CEP83: variants seen among roughly 807,000 people sequenced by gnomAD.
The protein encoded by CEP83 is centrosomal protein 83, also known as centrosomal protein of 83 kDa.
In CEP83, 70 loss-of-function variants were observed where a neutral mutation model predicts 101.9. The ratio of observed to expected loss-of-function variants is 0.69; its 90% CI spans 0.57 to 0.84. The LOEUF (loss-of-function observed/expected upper bound fraction) is 0.84, where lower values mean the gene tolerates loss of function less well. Among genes scored for constraint, CEP83 ranks in the 40% least tolerant of loss-of-function variants. The pLI, the probability that CEP83 is intolerant of heterozygous loss-of-function variation, is 0.00. For synonymous variants in CEP83, 264 were observed against 267.9 expected (o/e 0.99, Z 0.14); for missense variants, 715 against 787.2 (o/e 0.91, Z 1.10).
At chr12:94,427,884 T>C (rs1488048958) in intron 2 of CEP83, among the ~76,000 whole-genome samples, 1 of 152,088 alleles carries the variant, frequency 6.6e-6, no homozygotes, top group Non-Finnish European at 1.5e-5. Flanking sequence ...ATCCAGGATG[T>C]CTTGCGTACA....
intron 14 of CEP83, among the ~76,000 whole-genome samples, chr12:94,321,231 C>CT (rs2058731888): frequency 6.6e-6 from 1 of 152,130 alleles, no homozygotes; most frequent in South Asian, 2.1e-4. Context: ...CAGTTAGGTT[C>CT]TTTTTTATAC....
chr12:94,374,384 T>C (rs2061433011), intron 8 of CEP83, among the ~76,000 whole-genome samples: 1 of 152,108 alleles, frequency 6.6e-6, no homozygotes, highest in Admixed American at 6.5e-5. Context: ...TCAAGAACAA[T>C]GTGCTGCAAA....
At chr12:94,339,457 T>C (rs1037719420) in intron 11 of CEP83, among the ~76,000 whole-genome samples, 4 of 152,216 alleles carry the variant, frequency 2.6e-5, no homozygotes, top group African/African-American at 9.6e-5. Flanking sequence ...ACACTTGAAA[T>C]GTACTTCATG....
At chr12:94,368,258 C>A in intron 9 of CEP83, 57 bp from the exon 10 acceptor site, 1 of 1,338,348 alleles carries the variant, frequency 7.5e-7, no homozygotes, top group African/African-American at 1.5e-5. Context: ...GATGAAAAAT[C>A]ACATTTAACA....
the CEP83 span, among the ~76,000 whole-genome samples, chr12:94,289,848 G>A: frequency 3.3e-5 from 5 of 152,020 alleles, no homozygotes; most frequent in African/African-American, 9.7e-5. Flanking sequence ...ACACATACGC[G>A]CTCACACACA....
chr12:94,415,786 CAAG>C (rs1236353080), intron 2 of CEP83, among the ~76,000 whole-genome samples: 1 of 151,862 alleles, frequency 6.6e-6, no homozygotes, highest in Non-Finnish European at 1.5e-5. Flanking sequence ...ACTAATGGGA[CAAG>C]AAGATTTAAA....
chr12:94,382,597 A>G (rs2061910507), intron 6 of CEP83, among the ~76,000 whole-genome samples: 4 of 151,680 alleles, frequency 2.6e-5, no homozygotes, highest in Non-Finnish European at 5.9e-5. Flanking sequence ...TGAAATTTCC[A>G]CCTTGACCCA....
At chr12:94,363,339 T>C (rs2060867264) in intron 11 of CEP83, among the ~76,000 whole-genome samples, 1 of 152,128 alleles carries the variant, frequency 6.6e-6, no homozygotes, top group African/African-American at 2.4e-5. Flanking sequence ...AAACATGAAA[T>C]AAGTGCTGGT....
At chr12:94,281,055 G>A in the CEP83 span, among the ~76,000 whole-genome samples, 10 of 152,224 alleles carry the variant, frequency 6.6e-5, no homozygotes, top group African/African-American at 2.4e-4. Flanking sequence ...AAGGCTGGTG[G>A]ATCACCTGAA....
rs114669740 is a variant in CEP83, at chr12:94,380,643, G to A, written c.550-1601C>T. Among the ~76,000 whole-genome samples the A allele has an allele frequency of 5.7e-3, 869 of 152,220 alleles. 6 individuals carry two copies. The highest frequency in any genetic ancestry group is 0.02 in the Middle Eastern group (6 of 294). The stretch of plus-strand genomic sequence containing the variant: ...TATGGTTTTAATGTGCTATATTAGA[G>A]GTGTGATGGCTCATCTAAGGTCAGG... On this transcript the variant is annotated intron_variant, in intron 6 of 16. Coordinates refer to ENST00000397809, the MANE Select transcript of CEP83 (RefSeq NM_016122.3).
At chr12:94,362,059 A>T (rs539790778) in intron 11 of CEP83, among the ~76,000 whole-genome samples, 73 of 152,294 alleles carry the variant, frequency 4.8e-4, no homozygotes, top group Non-Finnish European at 8.4e-4. Context: ...AGAAACTCAA[A>T]CAACTGCAAA....
At chr12:94,440,679 G>GAA (rs201905032) in intron 1 of CEP83, among the ~76,000 whole-genome samples, 2 of 151,464 alleles carry the variant, frequency 1.3e-5, no homozygotes, top group Non-Finnish European at 2.9e-5. Context: ...CACAGATCTA[G>GAA]AAAAAAAATC....
chr12:94,326,241 A>T (rs1189320300), intron 14 of CEP83, among the ~76,000 whole-genome samples: 1 of 152,074 alleles, frequency 6.6e-6, no homozygotes, highest in Non-Finnish European at 1.5e-5. Flanking sequence ...GACCCCCAAC[A>T]CCTTGCCCAA....
chr12:94,375,980 A>C lies in CEP83; in HGVS notation c.839T>G (p.Leu280Trp), dbSNP rs777427873. The C allele has an allele frequency of 5.7e-6, 9 of 1,575,344 alleles. No homozygotes were observed. In the African/African-American group the frequency reaches 1.1e-4, roughly 19 times the overall value. Residue 280 changes from leucine (L) to tryptophan (W), a missense_variant, in exon 8 of 17, where the codon TTG becomes TGG. Transcript: ENST00000397809. ...KQSANLRAER[L>W]EKELQSSSEQ... The stretch of plus-strand genomic sequence containing the variant: ...ACTGCTTGATTGTAGCTCTTTTTCC[A>C]AACGTTCTGCCCGTAAATTAGCTGA...
In CEP83 at chr12:94,308,949, G is replaced by T. The variant is rs1969392565; in HGVS notation, c.2002-32C>A. ...ATGATGTAGAGAAAGCATAGCAAAA[G>T]AAACTATTAGAAAAACTGTTAGGTA... On this transcript the variant is annotated intron_variant, in intron 16 of 16. Coordinates refer to ENST00000397809, the MANE Select transcript of CEP83 (RefSeq NM_016122.3). The T allele has an allele frequency of 2.7e-6, 4 of 1,476,950 alleles. No homozygotes were observed. The East Asian group carries it at 9.1e-5, about 33-fold the overall frequency. 91.5% of individuals were successfully genotyped at this position (1,476,950 alleles called of 1,614,324 possible). A position where few individuals can be genotyped will look rare whatever the true frequency, so the allele number is the denominator to read the frequency against.
rs550689687 is a variant in CEP83 at position 94,367,997 on chromosome 12, C to G, written c.1194-54G>C. The G allele has an allele frequency of 1.9e-6, 3 of 1,603,014 alleles. No homozygotes were observed. In the Admixed American group the frequency reaches 5.1e-5, roughly 27 times the overall value. ...AAGAACTATAATAAAGATGATATGA[C>G]AGCAAAATGTTTTCATTTGCAAGGA... On this transcript the variant is annotated intron_variant, in intron 10 of 16. Coordinates refer to ENST00000397809, the MANE Select transcript of CEP83 (RefSeq NM_016122.3).
intron 6 of CEP83, among the ~76,000 whole-genome samples, chr12:94,395,943 C>T (rs1057321866): frequency 5.9e-5 from 9 of 152,296 alleles, no homozygotes; most frequent in East Asian, 1.9e-4. Context: ...AACCAGTTTG[C>T]GAAGCATGAT....
chr12:94,405,329 A>T (rs1383461232), intron 4 of CEP83, among the ~76,000 whole-genome samples: 3 of 152,244 alleles, frequency 2.0e-5, no homozygotes, highest in Non-Finnish European at 4.4e-5. Flanking sequence ...TTATGCTTTT[A>T]AGACAGACTG....
chr12:94,333,608 G>T lies in CEP83; in HGVS notation c.1451C>A (p.Ser484Ter), dbSNP rs777412559. The T allele has an allele frequency of 5.0e-6, 8 of 1,613,256 alleles. No individual in the cohort carries two copies. Among genetic ancestry groups the T allele is most frequent in the Non-Finnish European group, 6.8e-6 (8 of 1,179,684 alleles). ...CAAGTCATTCTCTGACTGTGCAAGT[G>T]AAGTCACTTGGATCTGCAAACTACT... ...QISSLQIQVT[S>*]LAQSENDLLN... The change falls in exon 13 of 17, where the codon TCA (serine) becomes TAA (stop). Residue 484 changes from serine (S) to a stop codon, truncating the protein, a stop_gained. Transcript: ENST00000397809. LOFTEE classifies it high-confidence loss of function.
Sources: allele counts gnomAD v4.1 joint callset (sites outside exome capture counted in the v4.1 genomes callset), GRCh38; gene constraint gnomAD v4.1.1; transcripts MANE v1.5; gene names NCBI Gene and HGNC (gene_info 2026-07-23, HGNC 2026-07-21).